The following SORCS2 variants were observed in gnomAD, a reference collection of about 807,000 sequenced individuals.
SORCS2 encodes the protein sortilin related VPS10 domain containing receptor 2, also known as VPS10 domain-containing receptor SorCS2.
A neutral mutation model predicts 141.6 loss-of-function variants in SORCS2; 100 were observed. That is an observed-to-expected ratio of 0.71 (90% CI 0.60 to 0.83). The LOEUF is 0.83. Among genes scored for constraint, SORCS2 ranks in the 40% least tolerant of loss-of-function variants. SORCS2 has a pLI of 0.00. For missense variants in SORCS2, 1,646 were observed against 1,560.2 expected (o/e 1.05, Z -0.93); for synonymous variants, 789 against 676.9 (o/e 1.17, Z -2.57).
At chr4:7,349,678 G>A (rs79903032) in intron 1 of SORCS2, among the ~76,000 whole-genome samples, 5 of 152,350 alleles carry the variant, frequency 3.3e-5, no homozygotes, top group Admixed American at 1.3e-4. Flanking sequence ...GGCTCACCCA[G>A]TGGGTGGCTT....
intron 1 of SORCS2, among the ~76,000 whole-genome samples, chr4:7,205,940 G>A (rs1284493748): frequency 1.3e-5 from 2 of 152,172 alleles, no homozygotes; most frequent in Admixed American, 1.3e-4. Flanking sequence ...CAGCTACCCG[G>A]GAGGCTGAGG....
chr4:7,408,499 G>C (rs6828817), intron 2 of SORCS2, among the ~76,000 whole-genome samples: 11 of 151,762 alleles, frequency 7.2e-5, no homozygotes, highest in African/African-American at 2.7e-4. Flanking sequence ...TGGGTTATTT[G>C]CTTCTTTTCT....
chr4:7,475,175 A>G (rs1001937700), intron 2 of SORCS2, among the ~76,000 whole-genome samples: 2 of 152,074 alleles, frequency 1.3e-5, no homozygotes, highest in Non-Finnish European at 2.9e-5. Flanking sequence ...GTGGATCCTT[A>G]TGGCTGGAGG....
chr4:7,396,479 A>T (rs1385368177), intron 2 of SORCS2, 124 bp downstream of exon 2: 6 of 924,524 alleles, frequency 6.5e-6, no homozygotes, highest in Non-Finnish European at 9.9e-6. Flanking sequence ...TGGCCTCGCA[A>T]CTTTTCTTTG....
chr4:7,242,535 C>A (rs181781885), intron 1 of SORCS2, among the ~76,000 whole-genome samples: 8 of 151,314 alleles, frequency 5.3e-5, no homozygotes, highest in African/African-American at 2.0e-4. Flanking sequence ...TAGCTCACTG[C>A]GTCATCCCCA....
intron 2 of SORCS2, among the ~76,000 whole-genome samples, chr4:7,441,443 G>A (rs948275344): frequency 6.6e-6 from 1 of 152,060 alleles, no homozygotes; most frequent in Non-Finnish European, 1.5e-5. Flanking sequence ...GGCTGAGTGG[G>A]ATGCCCTGAC....
intron 1 of SORCS2, among the ~76,000 whole-genome samples, chr4:7,206,492 G>C (rs999524383): frequency 6.6e-6 from 1 of 152,186 alleles, no homozygotes; most frequent in Non-Finnish European, 1.5e-5. Context: ...CCGGCTCCAC[G>C]AGTAACCTGG....
At chr4:7,305,724 C>T (rs946117832) in intron 1 of SORCS2, among the ~76,000 whole-genome samples, 19 of 152,180 alleles carry the variant, frequency 1.2e-4, no homozygotes, top group Non-Finnish European at 2.8e-4. Context: ...GGGAGACCTT[C>T]TCGATGCCGC....
At chr4:7,396,222 T>C (rs368901871) in intron 1 of SORCS2, 66 bp from the exon 2 acceptor site, 1 of 1,502,904 alleles carries the variant, frequency 6.7e-7, no homozygotes, top group Non-Finnish European at 9.2e-7. Context: ...GTGGTGTCAC[T>C]GTACCTCTCT....
chr4:7,581,610 C>T (rs1716150532), intron 3 of SORCS2, among the ~76,000 whole-genome samples: 1 of 152,166 alleles, frequency 6.6e-6, no homozygotes, highest in Non-Finnish European at 1.5e-5. Context: ...ATTTGAGGCC[C>T]AGCAAACTCC....
intron 2 of SORCS2, among the ~76,000 whole-genome samples, chr4:7,447,886 GGC>G (rs1201708708): frequency 1.3e-5 from 2 of 152,168 alleles, no homozygotes; most frequent in African/African-American, 2.4e-5. Flanking sequence ...CTGCAGATAC[GGC>G]AGAGGTGTTT....
intron 1 of SORCS2, among the ~76,000 whole-genome samples, chr4:7,224,497 C>T (rs1728886577): frequency 1.3e-5 from 2 of 151,976 alleles, no homozygotes; most frequent in South Asian, 4.2e-4. Flanking sequence ...TGGTCAGCTG[C>T]TGCTTCTGCC....
intron 14 of SORCS2, among the ~76,000 whole-genome samples, chr4:7,711,391 C>T (rs1260578313): frequency 6.6e-6 from 1 of 152,188 alleles, no homozygotes; most frequent in Non-Finnish European, 1.5e-5. Flanking sequence ...CATCATGGGC[C>T]ACCCCAAGTA....
chr4:7,585,212 A>G (rs1453853419), intron 3 of SORCS2, among the ~76,000 whole-genome samples: 2 of 152,218 alleles, frequency 1.3e-5, no homozygotes, highest in Non-Finnish European at 2.9e-5. Context: ...AGCCTCTTGC[A>G]TCTCCCTGAA....
At chr4:7,517,212 G>T (rs1733045603) in intron 2 of SORCS2, among the ~76,000 whole-genome samples, 1 of 152,176 alleles carries the variant, frequency 6.6e-6, no homozygotes, top group Non-Finnish European at 1.5e-5. Flanking sequence ...AGTCAGTGTT[G>T]CCGTTGACTT....
intron 23 of SORCS2, among the ~76,000 whole-genome samples, chr4:7,732,558 C>T (rs1340139381): frequency 6.6e-6 from 1 of 152,190 alleles, no homozygotes; most frequent in Non-Finnish European, 1.5e-5. Flanking sequence ...CACCCTACAA[C>T]CCAGCACCAC....
intron 2 of SORCS2, among the ~76,000 whole-genome samples, chr4:7,465,194 C>G (rs952679572): frequency 9.2e-5 from 14 of 152,372 alleles, no homozygotes; most frequent in Admixed American, 3.3e-4. Flanking sequence ...CAGCCCCGAG[C>G]AGGAGGCCTC....
chr4:7,602,968 C>A (rs1717831550), intron 3 of SORCS2, among the ~76,000 whole-genome samples: 1 of 152,228 alleles, frequency 6.6e-6, no homozygotes, highest in African/African-American at 2.4e-5. Flanking sequence ...ACCAGCCCGA[C>A]CAACATGGCA....
At chr4:7,671,914 C>T (rs1327070331) in intron 8 of SORCS2, among the ~76,000 whole-genome samples, 1 of 150,838 alleles carries the variant, frequency 6.6e-6, no homozygotes, top group East Asian at 1.9e-4. Flanking sequence ...CACCAAGACA[C>T]ATAACCAAAC....
Sources: allele counts gnomAD v4.1 joint callset (sites outside exome capture counted in the v4.1 genomes callset), GRCh38; gene constraint gnomAD v4.1.1; transcripts MANE v1.5; gene names NCBI Gene and HGNC (gene_info 2026-07-23, HGNC 2026-07-21).